SYNPR: variants seen among roughly 807,000 people sequenced by gnomAD.
The protein encoded by SYNPR is synaptoporin.
In SYNPR, 23 loss-of-function variants were observed where a neutral mutation model predicts 32.9. The ratio of observed to expected loss-of-function variants is 0.70; its 90% CI spans 0.50 to 0.99. The LOEUF is 0.99. Among genes scored for constraint, SYNPR ranks in the 50% least tolerant of loss-of-function variants. SYNPR has a pLI of 0.00. For missense variants in SYNPR, 318 were observed against 349.3 expected (o/e 0.91, Z 0.71); for synonymous variants, 146 against 135.9 (o/e 1.07, Z -0.52).
chr3:63,319,901 T>C (rs2106966293), intron 2 of SYNPR, among the ~76,000 whole-genome samples: 1 of 152,208 alleles, frequency 6.6e-6, no homozygotes, highest in East Asian at 1.9e-4. Context: ...CTTTTTCTTT[T>C]GCTGTCTTAT....
chr3:63,613,610 C>CAAAAAAAAAAAA (rs10566584), intron 5 of SYNPR, among the ~76,000 whole-genome samples: 8 of 46,050 alleles, frequency 1.7e-4, no homozygotes, highest in African/African-American at 5.8e-4. Context: ...TATGCTGCAG[C>CAAAAAAAAAAAA]AAAAAAAAAA....
intron 2 of SYNPR, among the ~76,000 whole-genome samples, chr3:63,412,397 T>C (rs116281841): frequency 0.014 from 2,202 of 152,290 alleles, 54 homozygotes; most frequent in African/African-American, 0.05. Context: ...AGCTCAAGTT[T>C]GGAACATTCA....
chr3:63,586,448 G>A (rs1703186658), intron 4 of SYNPR, among the ~76,000 whole-genome samples: 1 of 151,842 alleles, frequency 6.6e-6, no homozygotes, highest in Non-Finnish European at 1.5e-5. Flanking sequence ...ACCAGGGAAA[G>A]CCCATACACA....
intron 4 of SYNPR, among the ~76,000 whole-genome samples, chr3:63,570,018 G>A (rs1282438805): frequency 5.3e-5 from 8 of 152,146 alleles, no homozygotes; most frequent in African/African-American, 1.4e-4. Flanking sequence ...GCCATCTTCC[G>A]CAGCTTTCAT....
Position 63,453,132 on chromosome 3 carries a change from A to G in SYNPR, c.85-27700A>G, listed in dbSNP as rs925932601. 3.9e-5 allele frequency among the ~76,000 whole-genome samples: 6 copies of G among 152,312 alleles called. 1 individual carries two copies. Among genetic ancestry groups the G allele is most frequent in the African/African-American group, 1.4e-4 (6 of 41,584 alleles). On this transcript the variant is annotated intron_variant, in intron 2 of 5. Coordinates refer to ENST00000478300, the MANE Select transcript of SYNPR (RefSeq NM_001130003.2). ...TTTTAATGATCTCCAGATGATTTGC[A>G]TACACACTTATGTTTGAGAAGCTCA...
intron 2 of SYNPR, among the ~76,000 whole-genome samples, chr3:63,421,082 A>C (rs1446055876): frequency 6.6e-6 from 1 of 151,978 alleles, no homozygotes; most frequent in African/African-American, 2.4e-5. Flanking sequence ...GAGTCTCCCT[A>C]TGTTGCCCAG....
upstream of SYNPR, among the ~76,000 whole-genome samples, chr3:63,274,478 T>G (rs769600894): frequency 6.6e-6 from 1 of 152,232 alleles, no homozygotes; most frequent in Non-Finnish European, 1.5e-5. Context: ...TACTTTGGTT[T>G]GTATAGTTTG....
intron 2 of SYNPR, among the ~76,000 whole-genome samples, chr3:63,379,647 T>C (rs1182776595): frequency 6.6e-6 from 1 of 152,166 alleles, no homozygotes; most frequent in Admixed American, 6.6e-5. Context: ...TCTTTCTTTC[T>C]TTTGATTACT....
intron 2 of SYNPR, among the ~76,000 whole-genome samples, chr3:63,299,750 G>T (rs1038194123): frequency 6.6e-6 from 1 of 152,134 alleles, no homozygotes; most frequent in African/African-American, 2.4e-5. Context: ...TCAAATGTGA[G>T]AAAATGCAAA....
intron 4 of SYNPR, among the ~76,000 whole-genome samples, chr3:63,599,087 A>G (rs1034700176): frequency 5.3e-5 from 8 of 152,198 alleles, no homozygotes; most frequent in Non-Finnish European, 8.8e-5. Context: ...TAGTACAGTC[A>G]TGTACCCCAT....
At chr3:63,546,201 A>T (rs867439566) in intron 3 of SYNPR, among the ~76,000 whole-genome samples, 67 of 152,268 alleles carry the variant, frequency 4.4e-4, no homozygotes, top group African/African-American at 1.3e-3. Flanking sequence ...AAAATTAATA[A>T]ATCATAGCTT....
chr3:63,414,808 TAGTC>T, intron 2 of SYNPR, among the ~76,000 whole-genome samples: 1 of 152,346 alleles, frequency 6.6e-6, no homozygotes, highest in Admixed American at 6.5e-5. Context: ...ATAATGAAGT[TAGTC>T]AGCCAATGTG....
Position 63,615,266 on chromosome 3 carries a change from T to C in SYNPR, c.643T>C (p.Trp215Arg), listed in dbSNP as rs1204245055. 4 of 1,613,656 alleles carry C rather than the reference T, an allele frequency of 2.5e-6. No homozygotes were observed. The highest frequency in any genetic ancestry group is 3.4e-6 in the Non-Finnish European group (4 of 1,179,786). ...LNFILWAGNI[W>R]FVFKETGWHS... is the part of the protein sequence containing the mutation. ...CTTTATTCTCTGGGCTGGAAACATA[T>C]GGTTTGTTTTCAAGGAGACCGGCTG... The change falls in exon 6 of 6, where the codon TGG becomes CGG. Residue 215 changes from tryptophan to arginine, a missense_variant. Physicochemically the swap from Trp to Arg is moderately radical, Grantham distance 101 (BLOSUM62 -3). Transcript: ENST00000478300.
At chr3:63,222,692 T>C in the SYNPR span, among the ~76,000 whole-genome samples, 1 of 152,300 alleles carries the variant, frequency 6.6e-6, no homozygotes, top group Non-Finnish European at 1.5e-5. Flanking sequence ...AATTTATGTA[T>C]TTTTAGTAAA....
At chr3:63,397,108 A>G (rs1240228903) in intron 2 of SYNPR, among the ~76,000 whole-genome samples, 1 of 150,124 alleles carries the variant, frequency 6.7e-6, no homozygotes, top group South Asian at 2.1e-4. Context: ...CGTCTCAAAA[A>G]AAAAAAAAAA....
intron 2 of SYNPR, among the ~76,000 whole-genome samples, chr3:63,308,025 T>C (rs1161559187): frequency 6.6e-6 from 1 of 152,020 alleles, no homozygotes; most frequent in Non-Finnish European, 1.5e-5. Flanking sequence ...AAGATAATCT[T>C]CAGTAACATT....
At chr3:63,264,943 A>G (rs1357477648) in intron 2 of SYNPR, among the ~76,000 whole-genome samples, 2 of 151,970 alleles carry the variant, frequency 1.3e-5, no homozygotes, top group East Asian at 1.9e-4. Flanking sequence ...GCCATGATTC[A>G]ATTGCTTCCA....
At chr3:63,548,216 A>G (rs1484240339) in intron 3 of SYNPR, among the ~76,000 whole-genome samples, 1 of 152,162 alleles carries the variant, frequency 6.6e-6, no homozygotes, top group African/African-American at 2.4e-5. Context: ...AGTGGCTTGG[A>G]AAACGTGGAA....
At chr3:63,219,835 G>A in the SYNPR span, among the ~76,000 whole-genome samples, 1 of 152,162 alleles carries the variant, frequency 6.6e-6, no homozygotes, top group African/African-American at 2.4e-5. Context: ...TTTTCCAGGG[G>A]TGGCAGAGGT....
Sources: allele counts gnomAD v4.1 joint callset (sites outside exome capture counted in the v4.1 genomes callset), GRCh38; gene constraint gnomAD v4.1.1; transcripts MANE v1.5; gene names NCBI Gene and HGNC (gene_info 2026-07-23, HGNC 2026-07-21).